Variants in CACNA1B observed in about 807,000 individuals in gnomAD.
CACNA1B encodes the protein calcium voltage-gated channel subunit alpha1 B.
In CACNA1B, 70 loss-of-function variants were observed where a neutral mutation model predicts 247.2. The observed-to-expected ratio is 0.28, with a 90% CI of 0.23 to 0.35. The LOEUF is 0.35. Ranked by LOEUF, CACNA1B falls within the 10% of genes least tolerant of loss-of-function variation. CACNA1B has a pLI of 1.00. For synonymous variants in CACNA1B, 1,231 were observed against 1,294.4 expected (o/e 0.95, Z 1.05); for missense variants, 2,367 against 3,197.4 (o/e 0.74, Z 6.26).
chr9:137,986,572 A>C lies in CACNA1B; in HGVS notation c.1901+28A>C. 6.2e-7 allele frequency: 1 copy of C among 1,612,998 alleles called. No homozygotes were observed. Among genetic ancestry groups the C allele is most frequent in the Non-Finnish European group, 8.5e-7 (1 of 1,179,364 alleles). On this transcript the variant is annotated intron_variant, in intron 14 of 46. Transcript: ENST00000371372. The surrounding 1 kb of genome is among the most constrained non-coding windows in gnomAD (Gnocchi z 6.0). Reference sequence around the variant, plus strand: ...AAGTGGGCCCGGGAGGGAGAGCTCAAGGCTGGGGGCTTGCAGGGAAGCAGA... The same window carrying C: ...AAGTGGGCCCGGGAGGGAGAGCTCACGGCTGGGGGCTTGCAGGGAAGCAGA...
intron 6 of CACNA1B, among the ~76,000 whole-genome samples, chr9:137,935,582 A>T (rs1343021066): frequency 6.6e-6 from 1 of 152,112 alleles, no homozygotes; most frequent in Non-Finnish European, 1.5e-5. Context: ...ATGTGTCTTT[A>T]TAGTAGCATG....
intron 10 of CACNA1B, among the ~76,000 whole-genome samples, chr9:137,965,045 A>G (rs1314408167): frequency 6.6e-6 from 1 of 152,226 alleles, no homozygotes; most frequent in Non-Finnish European, 1.5e-5. Flanking sequence ...TGAAACAGCA[A>G]AGATGGCATC....
At position 138,096,546 on chromosome 9, in the gene CACNA1B, C is replaced by A. The variant is rs764209393; in HGVS notation, c.5157C>A (p.Ser1719=). ...DNFEYLTRDS[S]ILGPHHLDEF... is the part of the protein sequence containing the mutation. ...TTGAGTACCTCACGCGGGACTCTTC[C>A]ATCCTAGGTCCTCACCACTTGGATG... is the stretch of plus-strand genomic sequence containing the variant. The change falls in exon 37 of 47, where the codon TCC becomes TCA. Residue 1719 remains serine, a synonymous_variant. Coordinates refer to ENST00000371372, the MANE Select transcript of CACNA1B (RefSeq NM_000718.4). 1 of 1,613,016 alleles carries A rather than the reference C, an allele frequency of 6.2e-7. No individual in the cohort carries two copies. The highest frequency in any genetic ancestry group is 2.2e-5 in the East Asian group (1 of 44,834).
chr9:138,067,255 C>G (rs984054955), intron 31 of CACNA1B, among the ~76,000 whole-genome samples: 1 of 152,128 alleles, frequency 6.6e-6, no homozygotes, highest in Non-Finnish European at 1.5e-5. Context: ...ATAAAGAAAA[C>G]ACCAGATTCT....
At chr9:137,998,579 C>T (rs902126856) in intron 15 of CACNA1B, among the ~76,000 whole-genome samples, 4 of 152,108 alleles carry the variant, frequency 2.6e-5, no homozygotes, top group African/African-American at 9.7e-5. Flanking sequence ...GAGACTCCGT[C>T]TCAAAAAACA....
At chr9:138,109,287 A>G (rs761053476) in intron 39 of CACNA1B, among the ~76,000 whole-genome samples, 1 of 152,244 alleles carries the variant, frequency 6.6e-6, no homozygotes, top group Non-Finnish European at 1.5e-5. Flanking sequence ...AGACAATCCT[A>G]TACAAAAAGA....
intron 39 of CACNA1B, among the ~76,000 whole-genome samples, chr9:138,111,079 G>A (rs1961612808): frequency 6.6e-6 from 1 of 152,152 alleles, no homozygotes; most frequent in Admixed American, 6.5e-5. Flanking sequence ...CAGAGCAACT[G>A]GAATTCTACA....
chr9:137,878,969 G>A lies in CACNA1B; in HGVS notation c.285-85G>A, dbSNP rs1243006476. The A allele has an allele frequency of 9.9e-6, 8 of 804,956 alleles. No individual in the cohort carries two copies. The South Asian group carries it at 1.3e-4, about 13-fold the overall frequency. 49.9% of individuals were successfully genotyped at this position (804,956 alleles called of 1,614,324 possible). ...TCAGCCCCTCCGGAGACGGCCTAGC[G>A]GTGGCTGCTGCACTGGGCTCTGCTG... On this transcript the variant is annotated intron_variant, in intron 1 of 46. Transcript: ENST00000371372.
At position 138,122,372 on chromosome 9, in the gene CACNA1B, C is replaced by T. The variant is rs202032343; in HGVS notation, c.*373C>T. The T allele has an allele frequency of 7.8e-6, 2 of 256,908 alleles. No individual in the cohort carries two copies. The highest frequency in any genetic ancestry group is 7.5e-6 in the Non-Finnish European group (1 of 134,122). The allele number at this position is 256,908 out of a possible 1,614,324, so 15.9% of individuals were successfully genotyped here. On this transcript the variant is annotated 3_prime_UTR_variant, in exon 47 of 47. Coordinates refer to ENST00000371372, the MANE Select transcript of CACNA1B (RefSeq NM_000718.4). ...GGAGCTCTGCGTCCTGTGGGGAGCA[C>T]CCTTCACGTGGCCGTGCGGCACAGA...
chr9:138,120,050 A>G, intron 44 of CACNA1B, 115 bp from the exon 45 acceptor site: 1 of 872,066 alleles, frequency 1.1e-6, no homozygotes, highest in Non-Finnish European at 1.8e-6. Flanking sequence ...CTGTGAGACC[A>G]GGATGGGGGG....
At chr9:138,110,560 C>G (rs1272235257) in intron 39 of CACNA1B, among the ~76,000 whole-genome samples, 5 of 152,134 alleles carry the variant, frequency 3.3e-5, no homozygotes, top group Non-Finnish European at 7.4e-5. Context: ...GGCTCTGTCT[C>G]TACAAAAAAT....
chr9:138,041,941 G>A (rs951880342), intron 20 of CACNA1B, among the ~76,000 whole-genome samples: 14 of 151,906 alleles, frequency 9.2e-5, no homozygotes, highest in African/African-American at 3.4e-4. Context: ...AAATTTTTTT[G>A]TAGAAACAGG....
chr9:138,055,331 A>G (rs1016413881), intron 26 of CACNA1B, among the ~76,000 whole-genome samples: 1 of 151,864 alleles, frequency 6.6e-6, no homozygotes, highest in African/African-American at 2.4e-5. Flanking sequence ...AGGTCTTGCT[A>G]TGTTGCCAAG....
intron 20 of CACNA1B, among the ~76,000 whole-genome samples, chr9:138,036,025 A>G (rs928613043): frequency 2.4e-4 from 37 of 152,068 alleles, no homozygotes; most frequent in African/African-American, 8.2e-4. Flanking sequence ...CTCTTTTCCT[A>G]TGTTTTGCAG....
chr9:137,903,438 T>G (rs1005809065), intron 3 of CACNA1B, among the ~76,000 whole-genome samples: 3 of 152,182 alleles, frequency 2.0e-5, no homozygotes, highest in African/African-American at 7.2e-5. Flanking sequence ...CTGCTTCGAC[T>G]CATACGCATC....
rs905304639 is a variant in CACNA1B at position 137,880,805 on chromosome 9, G to A, written c.390+1646G>A. ...TGTGCTGCTGCCCACAGAGCAGGCC[G>A]AGGCTGGGTGGTGCAGGGGCAGCCC... On this transcript the variant is annotated intron_variant, in intron 2 of 46. Coordinates refer to ENST00000371372, the MANE Select transcript of CACNA1B (RefSeq NM_000718.4). The surrounding 1 kb of genome is among the most constrained non-coding windows in gnomAD (Gnocchi z 4.8). Among the ~76,000 whole-genome samples, 6 of 152,168 alleles carry A rather than the reference G, an allele frequency of 3.9e-5. No individual in the cohort carries two copies. The South Asian group carries it at 6.2e-4, about 16-fold the overall frequency.
rs1564234576 is a variant in CACNA1B at position 138,007,168 on chromosome 9, C to T, written c.2092+284C>T. On this transcript the variant is annotated intron_variant, in intron 16 of 46. Transcript: ENST00000371372. This position sits in a 1 kb window ranked among gnomAD's most constrained non-coding sequence, Gnocchi z 4.1. ...CCCAGGACAGACTCTGAGCAGCAGT[C>T]GGGGAGCCTCACACTCTGGGCAGGT... Among the ~76,000 whole-genome samples the T allele has an allele frequency of 6.6e-6, 1 of 152,104 alleles. No individual in the cohort carries two copies. Among genetic ancestry groups the T allele is most frequent in the Non-Finnish European group, 1.5e-5 (1 of 68,002 alleles).
In CACNA1B at chr9:138,023,559, G is replaced by C; in HGVS notation, c.2816G>C (p.Arg939Pro). Reference protein sequence around the residue: ...EREPRRHRAHRHQDPSKECAG... With the variant: ...EREPRRHRAHPHQDPSKECAG... ...GAGCCCCGACGCCACCGCGCGCACC[G>C]GCACCAGGATCCGAGCAAGGAGTGC... The change falls in exon 19 of 47, where the codon CGG becomes CCG. Residue 939 changes from arginine to proline, a missense_variant. By Grantham distance (103) the Arg-to-Pro change is moderately radical (BLOSUM62 -2). Transcript: ENST00000371372. 1.8e-6 allele frequency: 2 copies of C among 1,090,010 alleles called. No homozygotes were observed. The highest frequency in any genetic ancestry group is 2.2e-6 in the Non-Finnish European group (2 of 891,944). 67.5% of individuals were successfully genotyped at this position (1,090,010 alleles called of 1,614,324 possible). A position where few individuals can be genotyped will look rare whatever the true frequency, so the allele number is the denominator to read the frequency against.
intron 10 of CACNA1B, among the ~76,000 whole-genome samples, chr9:137,963,101 T>G (rs1958037967): frequency 6.6e-6 from 1 of 152,238 alleles, no homozygotes; most frequent in South Asian, 2.1e-4. Context: ...CACTTAGCTC[T>G]TCTTGTTGAA....
Sources: gnomAD v4.1 joint callset for allele counts (sites outside exome capture counted in the v4.1 genomes callset) on GRCh38, gnomAD v4.1.1 for gene constraint, Gnocchi (gnomAD v3.1) non-coding constraint, MANE v1.5 for transcripts, NCBI Gene and HGNC (gene_info 2026-07-23, HGNC 2026-07-21) for gene names.